The following CWF19L2 variants were observed in gnomAD, a reference collection of about 807,000 sequenced individuals.
CWF19L2 encodes the protein CWF19 like cell cycle control factor 2, also known as CWF19-like protein 2.
In CWF19L2, 98 loss-of-function variants were observed where a neutral mutation model predicts 111.7. The observed-to-expected ratio is 0.88, with a 90% CI of 0.75 to 1.04. The LOEUF (loss-of-function observed/expected upper bound fraction) is 1.04, where lower values mean the gene tolerates loss of function less well. Ranked by LOEUF, CWF19L2 falls within the 50% of genes least tolerant of loss-of-function variation. CWF19L2 has a pLI of 0.00. For synonymous variants in CWF19L2, 351 were observed against 342.9 expected (o/e 1.02, Z -0.26); for missense variants, 1,101 against 1,051.4 (o/e 1.05, Z -0.65).
At chr11:107,427,967 A>T (rs944093009) in intron 8 of CWF19L2, among the ~76,000 whole-genome samples, 91 of 152,112 alleles carry the variant, frequency 6.0e-4, no homozygotes, top group African/African-American at 2.0e-3. Flanking sequence ...ACCCCAAACC[A>T]CAGTGCTTTT....
At chr11:107,353,764 G>A in intron 12 of CWF19L2, 28 bp from the exon 13 acceptor site, 1 of 1,575,778 alleles carries the variant, frequency 6.3e-7, no homozygotes, top group Non-Finnish European at 8.7e-7. Flanking sequence ...CAGTAATAGA[G>A]AGTAGAAGGT....
chr11:107,428,916 C>T lies in CWF19L2; in HGVS notation c.1316G>A (p.Ser439Asn). ...KHSNQKPSET[S>N]TDEHQHVPED... ...TGGAACATGTTGGTGTTCATCAGTA[C>T]TGGTTTCCGATGGCTTTTGATTTGA... The change falls in exon 8 of 18, where the codon AGT becomes AAT. Residue 439 changes from serine (S) to asparagine (N), a missense_variant. Physicochemically the swap from Ser to Asn is conservative, Grantham distance 46 (BLOSUM62 1). Coordinates refer to ENST00000282251, the MANE Select transcript of CWF19L2 (RefSeq NM_152434.3). The T allele has an allele frequency of 6.2e-7, 1 of 1,613,620 alleles. No homozygotes were observed. Among genetic ancestry groups the T allele is most frequent in the Non-Finnish European group, 8.5e-7 (1 of 1,179,716 alleles).
At position 107,411,082 on chromosome 11, in the gene CWF19L2, CGTGCGTG is replaced by C. The variant is rs1565273274; in HGVS notation, c.1617+5120_1617+5126del. Reference sequence around the variant, plus strand: ...TAAGAGTGTGGTGTGTGTGTGCGCGCGTGCGTGCACACACACACACACACACACACAC... The same window carrying C: ...TAAGAGTGTGGTGTGTGTGTGCGCGCCACACACACACACACACACACACAC... On this transcript the variant is annotated intron_variant, in intron 10 of 17. Coordinates refer to ENST00000282251, the MANE Select transcript of CWF19L2 (RefSeq NM_152434.3). 3.9e-5 allele frequency among the ~76,000 whole-genome samples: 3 copies of C among 76,238 alleles called. No homozygotes were observed. In the East Asian group the frequency reaches 1.1e-3, roughly 28 times the overall value. 50.0% of individuals were successfully genotyped at this position (76,238 alleles called of 152,430 possible).
At position 107,344,112 on chromosome 11, in the gene CWF19L2, C is replaced by G. The variant is rs552952288; in HGVS notation, c.2202+4825G>C. On this transcript the variant is annotated intron_variant, in intron 14 of 17. Transcript: ENST00000282251. ...CCTGTAGTGCCAGCTACTCAGGAAG[C>G]TGAGGCACAAGAATCGATTGAACCC... 4.4e-4 allele frequency among the ~76,000 whole-genome samples: 67 copies of G among 152,280 alleles called. 2 individuals are homozygous for G. The South Asian group carries it at 0.011, about 24-fold the overall frequency.
intron 10 of CWF19L2, among the ~76,000 whole-genome samples, chr11:107,414,687 T>A (rs921180334): frequency 6.6e-6 from 1 of 152,140 alleles, no homozygotes; most frequent in Non-Finnish European, 1.5e-5. Context: ...CACAACTCAA[T>A]TAATGGCTAT....
chr11:107,373,480 C>G (rs1410992730), intron 12 of CWF19L2, among the ~76,000 whole-genome samples: 1 of 113,834 alleles, frequency 8.8e-6, no homozygotes, highest in African/African-American at 3.3e-5. Flanking sequence ...CCCGAGCAGC[C>G]TAACTGGGAG....
intron 10 of CWF19L2, among the ~76,000 whole-genome samples, chr11:107,402,494 AATG>A (rs1382050415): frequency 2.0e-5 from 3 of 152,146 alleles, no homozygotes; most frequent in African/African-American, 7.2e-5. Context: ...CAACATCACT[AATG>A]ATCAGGGGAA....
chr11:107,355,542 C>A (rs1209883891), intron 12 of CWF19L2, among the ~76,000 whole-genome samples: 3 of 151,540 alleles, frequency 2.0e-5, no homozygotes, highest in Non-Finnish European at 4.4e-5. Flanking sequence ...GAAGATGGAG[C>A]AGTTCTATTC....
chr11:107,373,677 G>C (rs12226158), intron 12 of CWF19L2, among the ~76,000 whole-genome samples: 4,634 of 131,206 alleles, frequency 0.035, 796 homozygotes, highest in East Asian at 0.13. Flanking sequence ...GGAAAAAACA[G>C]AACAGAAAAA....
Position 107,336,619 on chromosome 11 carries a change from A to G in CWF19L2, c.2297T>C (p.Met766Thr). 6.2e-7 allele frequency: 1 copy of G among 1,607,538 alleles called. No homozygotes were observed. Among genetic ancestry groups the G allele is most frequent in the Non-Finnish European group, 8.5e-7 (1 of 1,176,812 alleles). Residue 766 changes from methionine to threonine, a missense_variant, in exon 15 of 18, where the codon ATG (methionine) becomes ACG (threonine). Physicochemically the swap from Met to Thr is moderately conservative, Grantham distance 81. Coordinates refer to ENST00000282251, the MANE Select transcript of CWF19L2 (RefSeq NM_152434.3). ...GGGAAGAGGAATACATTCATAAACC[A>G]TGTGATACTGTTTCTTCATGCTCAT... Reference protein sequence around the residue: ...TNMSMKKQYHMVYECIPLPKE... With the variant: ...TNMSMKKQYHTVYECIPLPKE...
chr11:107,404,105 T>C (rs1861045449), intron 10 of CWF19L2: 33 of 774,208 alleles, frequency 4.3e-5, no homozygotes, highest in South Asian at 4.2e-4. Context: ...CCTTTCTCCA[T>C]GTGAGACTGT....
intron 7 of CWF19L2, among the ~76,000 whole-genome samples, chr11:107,431,791 AG>A (rs1413621924): frequency 6.6e-6 from 1 of 152,164 alleles, no homozygotes; most frequent in Non-Finnish European, 1.5e-5. Context: ...CCGAGAGTAA[AG>A]GAACAGACCC....
intron 12 of CWF19L2, among the ~76,000 whole-genome samples, chr11:107,372,134 A>G (rs983754807): frequency 1.5e-5 from 2 of 135,164 alleles, no homozygotes; most frequent in African/African-American, 6.0e-5. Flanking sequence ...GTTAGTGACT[A>G]TACTAGATAG....
chr11:107,412,250 T>A (rs1861166861), intron 10 of CWF19L2, among the ~76,000 whole-genome samples: 1 of 152,170 alleles, frequency 6.6e-6, no homozygotes, highest in African/African-American at 2.4e-5. Flanking sequence ...CCATAGAGAA[T>A]ACTTTAAGAA....
In CWF19L2 at chr11:107,349,053, C is replaced by A. The variant is rs778682356; in HGVS notation, c.2086G>T (p.Val696Phe). The change falls in exon 14 of 18, where the codon GTT (valine) becomes TTT (phenylalanine). Residue 696 changes from valine (V) to phenylalanine (F), a missense_variant and splice_region_variant. By Grantham distance (50) the Val-to-Phe change is conservative. Coordinates refer to ENST00000282251, the MANE Select transcript of CWF19L2 (RefSeq NM_152434.3). The stretch of plus-strand genomic sequence containing the variant: ...CGTACGTTGGGTAAACATAAATAAA[C>A]CTATAAGAGAGAAATACAAAAGGTG... ...KHLIVAIGVKVYLCLPNVRSL... is the reference protein window; with the variant it reads ...KHLIVAIGVKFYLCLPNVRSL... The A allele has an allele frequency of 1.3e-6, 2 of 1,504,246 alleles. No homozygotes were observed. The highest frequency in any genetic ancestry group is 3.6e-5 in the Admixed American group (2 of 55,714). 93.2% of individuals were successfully genotyped at this position (1,504,246 alleles called of 1,614,324 possible).
At position 107,448,515 on chromosome 11, in the gene CWF19L2, G is replaced by GA. The variant is rs553884905; in HGVS notation, c.340-5467dup. 5.1e-3 allele frequency among the ~76,000 whole-genome samples: 744 copies of GA among 146,766 alleles called. 5 individuals carry two copies. The highest frequency in any genetic ancestry group is 0.025 in the Middle Eastern group (7 of 282). ...GAGACTACCAAAATGAGAGGGAACA[G>GA]AAAAAAAAAATACTTCGAAAAAAGC... is the stretch of plus-strand genomic sequence containing the variant. On this transcript the variant is annotated intron_variant, in intron 3 of 17. Coordinates refer to ENST00000282251, the MANE Select transcript of CWF19L2 (RefSeq NM_152434.3).
chr11:107,401,880 A>G (rs1421512765), intron 10 of CWF19L2, among the ~76,000 whole-genome samples: 1 of 152,222 alleles, frequency 6.6e-6, no homozygotes, highest in Admixed American at 6.5e-5. Flanking sequence ...GTATAAAAAT[A>G]GGCATATGGA....
chr11:107,452,125 A>C (rs1221330000), intron 3 of CWF19L2, among the ~76,000 whole-genome samples: 1 of 152,240 alleles, frequency 6.6e-6, no homozygotes, highest in Non-Finnish European at 1.5e-5. Context: ...ACAGAGACTG[A>C]AAAGAAAAAA....
intron 11 of CWF19L2, among the ~76,000 whole-genome samples, chr11:107,392,243 TA>T (rs528820233): frequency 6.6e-6 from 1 of 151,994 alleles, no homozygotes; most frequent in South Asian, 2.1e-4. Context: ...AAATTTAAAA[TA>T]AAAAAAACTA....
Sources: gnomAD v4.1 joint callset for allele counts (sites outside exome capture counted in the v4.1 genomes callset) on GRCh38, gnomAD v4.1.1 for gene constraint, MANE v1.5 for transcripts, NCBI Gene and HGNC (gene_info 2026-07-23, HGNC 2026-07-21) for gene names.